Variants in PHF24 observed in about 807,000 individuals in gnomAD.
PHF24 encodes PHD finger protein 24.
PHF24 carries 25 observed loss-of-function variants against 42.6 expected under a neutral mutation model. That is an observed-to-expected ratio of 0.59 (90% CI 0.43 to 0.82). The LOEUF (loss-of-function observed/expected upper bound fraction) is 0.82, where lower values mean the gene tolerates loss of function less well. Ranked by LOEUF, PHF24 falls within the 40% of genes least tolerant of loss-of-function variation. The pLI, the probability that PHF24 is intolerant of heterozygous loss-of-function variation, is 0.00. For missense variants in PHF24, 470 were observed against 538.1 expected (o/e 0.87, Z 1.25); for synonymous variants, 185 against 204.8 (o/e 0.90, Z 0.83).
chr9:34,725,075 A>G, the PHF24 span: 8 of 1,551,636 alleles, frequency 5.2e-6, no homozygotes, highest in Admixed American at 9.8e-5. Flanking sequence ...CTGCAGTTCC[A>G]GGAACTGGCT....
chr9:34,872,720 C>A, the PHF24 span, among the ~76,000 whole-genome samples: 1 of 149,126 alleles, frequency 6.7e-6, no homozygotes, highest in Non-Finnish European at 1.5e-5. Context: ...GGGTATATAC[C>A]CAGTAATGGG....
At chr9:34,886,559 A>G in the PHF24 span, among the ~76,000 whole-genome samples, 3 of 152,110 alleles carry the variant, frequency 2.0e-5, no homozygotes, top group African/African-American at 7.2e-5. Context: ...GGCTTCCAGT[A>G]TGACACTCTT....
chr9:34,708,614 G>A, the PHF24 span, among the ~76,000 whole-genome samples: 562 of 152,322 alleles, frequency 3.7e-3, 3 homozygotes, highest in African/African-American at 0.013. Flanking sequence ...AGAACCACTT[G>A]GAGGGTCTCA....
the PHF24 span, among the ~76,000 whole-genome samples, chr9:34,803,687 T>C: frequency 6.6e-6 from 1 of 152,182 alleles, no homozygotes; most frequent in African/African-American, 2.4e-5. Flanking sequence ...ATGGGAGAGA[T>C]GGCTAGAATG....
chr9:34,949,782 A>C, the PHF24 span, among the ~76,000 whole-genome samples: 7 of 152,184 alleles, frequency 4.6e-5, no homozygotes, highest in East Asian at 1.4e-3. Context: ...TCTCACTCAT[A>C]AGTGGGAGCT....
intron 2 of PHF24, 134 bp from the exon 3 acceptor site, chr9:34,972,212 G>C: frequency 1.4e-6 from 1 of 725,104 alleles, no homozygotes; most frequent in Non-Finnish European, 2.2e-6. Context: ...CTCAACAATG[G>C]CTTCAGTTGG....
the PHF24 span, among the ~76,000 whole-genome samples, chr9:34,855,233 C>A: frequency 6.6e-6 from 1 of 152,154 alleles, no homozygotes; most frequent in African/African-American, 2.4e-5. Flanking sequence ...ATCCAGCTTG[C>A]CATTCTGTAT....
chr9:34,885,538 G>GCCAC, the PHF24 span, among the ~76,000 whole-genome samples: 1,808 of 152,228 alleles, frequency 0.012, 29 homozygotes, highest in African/African-American at 0.041. Flanking sequence ...ATGCAAAGGT[G>GCCAC]CCACCCTCTG....
chr9:34,723,552 C>A, the PHF24 span: 1 of 1,551,778 alleles, frequency 6.4e-7, no homozygotes, highest in Non-Finnish European at 8.7e-7. Context: ...TCCTCATGCC[C>A]TTTGCCTTTT....
the PHF24 span, among the ~76,000 whole-genome samples, chr9:34,884,709 T>C: frequency 7.2e-5 from 11 of 152,174 alleles, no homozygotes; most frequent in African/African-American, 2.7e-4. Context: ...CAAGATGGAA[T>C]TTTGAGCAGA....
chr9:34,917,027 G>C, the PHF24 span: 1 of 548,704 alleles, frequency 1.8e-6, no homozygotes, highest in African/African-American at 1.9e-5. Flanking sequence ...TCAAAAGTGT[G>C]AACACAAATC....
At chr9:34,925,227 G>A in the PHF24 span, among the ~76,000 whole-genome samples, 14 of 152,134 alleles carry the variant, frequency 9.2e-5, no homozygotes, top group South Asian at 4.2e-4. Flanking sequence ...TGAGAAATCC[G>A]CTGTTAGTGG....
the PHF24 span, chr9:34,729,284 C>G: frequency 6.4e-7 from 1 of 1,551,690 alleles, no homozygotes; most frequent in Non-Finnish European, 8.7e-7. Context: ...ACAGCCCTAC[C>G]CGGCAGCAGC....
At chr9:34,957,342 A>C (rs1826398237), upstream of PHF24, among the ~76,000 whole-genome samples, 1 of 152,248 alleles carries the variant, frequency 6.6e-6, no homozygotes, top group Non-Finnish European at 1.5e-5. Context: ...TGTAAGTGCA[A>C]TTAATATAAA....
the PHF24 span, among the ~76,000 whole-genome samples, chr9:34,857,279 G>C: frequency 1.3e-5 from 2 of 152,196 alleles, no homozygotes; most frequent in Admixed American, 1.3e-4. Context: ...TGACTCTTTA[G>C]ATTCAGCCCC....
chr9:34,724,692 T>C, the PHF24 span: 1 of 1,547,298 alleles, frequency 6.5e-7, no homozygotes, highest in South Asian at 1.2e-5. Context: ...GCAACGTCTG[T>C]ACAACTCTCA....
the PHF24 span, among the ~76,000 whole-genome samples, chr9:34,903,445 A>G: frequency 4.6e-5 from 7 of 152,336 alleles, no homozygotes; most frequent in South Asian, 6.2e-4. Flanking sequence ...ATGCTTCTGT[A>G]GCCCTAGCTA....
At chr9:34,925,469 T>C in the PHF24 span, among the ~76,000 whole-genome samples, 353 of 152,280 alleles carry the variant, frequency 2.3e-3, no homozygotes, top group African/African-American at 7.9e-3. Context: ...TCTCTTCTAC[T>C]TCAGGAACAC....
chr9:34,742,191 C>T, the PHF24 span, among the ~76,000 whole-genome samples: 3 of 152,102 alleles, frequency 2.0e-5, no homozygotes, highest in Non-Finnish European at 4.4e-5. Context: ...CAAATATGCC[C>T]AGATTGAAGG....
Sources: gnomAD v4.1 joint callset for allele counts (sites outside exome capture counted in the v4.1 genomes callset) on GRCh38, gnomAD v4.1.1 for gene constraint, MANE v1.5 for transcripts, NCBI Gene and HGNC (gene_info 2026-07-23, HGNC 2026-07-21) for gene names.